Variants in SGCZ observed in about 807,000 individuals in gnomAD.
SGCZ encodes sarcoglycan zeta, also known as zeta-sarcoglycan.
In SGCZ, 40 loss-of-function variants were observed where a neutral mutation model predicts 41.3. That is an observed-to-expected ratio of 0.97 (90% CI 0.75 to 1.26). The LOEUF (loss-of-function observed/expected upper bound fraction) is 1.26. SGCZ is among the 50% of genes most tolerant of loss of function. The probability of loss-of-function intolerance (pLI) is 0.00; values close to 1 mark genes in which losing one functional copy is unlikely to be tolerated. For missense variants in SGCZ, 552 were observed against 369.8 expected (o/e 1.49, Z -4.04); for synonymous variants, 206 against 137.5 (o/e 1.50, Z -3.49).
At chr8:14,303,294 C>A (rs1046147801) in intron 3 of SGCZ, among the ~76,000 whole-genome samples, 1 of 151,998 alleles carries the variant, frequency 6.6e-6, no homozygotes, top group Non-Finnish European at 1.5e-5. Context: ...ATGAAATGAA[C>A]ATGAATTACA....
In SGCZ at chr8:14,740,183, A is replaced by G. The variant is rs149837967; in HGVS notation, c.40-185257T>C. Reference sequence around the variant, plus strand: ...ATTCTAGAGTCATTGACTTTAATACATCTCCTGGAAAAAGATAAAAGTTTA... The same window carrying G: ...ATTCTAGAGTCATTGACTTTAATACGTCTCCTGGAAAAAGATAAAAGTTTA... On this transcript the variant is annotated intron_variant, in intron 1 of 7. Coordinates refer to ENST00000382080, the MANE Select transcript of SGCZ (RefSeq NM_139167.4). 2.7e-4 allele frequency among the ~76,000 whole-genome samples: 41 copies of G among 152,134 alleles called. No individual in the cohort carries two copies. The East Asian group carries it at 2.9e-3, about 11-fold the overall frequency.
intron 1 of SGCZ, among the ~76,000 whole-genome samples, chr8:15,174,682 A>G (rs1244554039): frequency 6.6e-6 from 1 of 152,160 alleles, no homozygotes; most frequent in African/African-American, 2.4e-5. Context: ...AAACGATCCA[A>G]TTTATCCACA....
At chr8:14,818,892 G>T (rs1025097314) in intron 1 of SGCZ, among the ~76,000 whole-genome samples, 1 of 151,988 alleles carries the variant, frequency 6.6e-6, no homozygotes, top group African/African-American at 2.4e-5. Context: ...AATAAAGAAA[G>T]CCTATGGGAC....
intron 5 of SGCZ, among the ~76,000 whole-genome samples, chr8:14,120,692 A>G (rs764680461): frequency 6.6e-6 from 1 of 152,132 alleles, no homozygotes; most frequent in African/African-American, 2.4e-5. Flanking sequence ...ATTAGAAAAC[A>G]AATTTGACTT....
intron 3 of SGCZ, among the ~76,000 whole-genome samples, chr8:14,244,346 T>A (rs1280831272): frequency 6.6e-6 from 1 of 152,136 alleles, no homozygotes; most frequent in Non-Finnish European, 1.5e-5. Flanking sequence ...CATATCAAAT[T>A]ATTATTTAAT....
chr8:14,103,138 CA>C (rs995754826), intron 6 of SGCZ, among the ~76,000 whole-genome samples: 3 of 151,980 alleles, frequency 2.0e-5, no homozygotes, highest in African/African-American at 7.2e-5. Context: ...AAAGAAAAAT[CA>C]ATAGGAGGGT....
chr8:14,564,100 T>A (rs1419550864), intron 1 of SGCZ, among the ~76,000 whole-genome samples: 1 of 152,178 alleles, frequency 6.6e-6, no homozygotes, highest in Non-Finnish European at 1.5e-5. Flanking sequence ...AAGAGAAGCA[T>A]GTGAGTCCTG....
chr8:14,102,105 A>ATATAAT (rs1802047693), intron 7 of SGCZ, among the ~76,000 whole-genome samples: 2 of 43,860 alleles, frequency 4.6e-5, no homozygotes, highest in African/African-American at 2.1e-4. Context: ...TATATATATA[A>ATATAAT]TTTTTTTTTT....
intron 1 of SGCZ, among the ~76,000 whole-genome samples, chr8:15,198,865 A>T (rs1219565611): frequency 6.6e-6 from 1 of 152,174 alleles, no homozygotes; most frequent in Non-Finnish European, 1.5e-5. Context: ...TTTCTTGTTG[A>T]GGAAATCAAT....
At chr8:14,282,561 C>G (rs1800482978) in intron 3 of SGCZ, among the ~76,000 whole-genome samples, 1 of 152,046 alleles carries the variant, frequency 6.6e-6, no homozygotes, top group South Asian at 2.1e-4. Flanking sequence ...TACCTCGCAC[C>G]TAAAACTGTT....
chr8:14,725,726 G>A (rs986479203), intron 1 of SGCZ, among the ~76,000 whole-genome samples: 6 of 152,110 alleles, frequency 3.9e-5, no homozygotes, highest in African/African-American at 1.4e-4. Context: ...TAGAGAAGGA[G>A]TGTTTTCTGA....
At chr8:15,131,650 G>A (rs1165402089) in intron 1 of SGCZ, among the ~76,000 whole-genome samples, 2 of 152,166 alleles carry the variant, frequency 1.3e-5, no homozygotes, top group African/African-American at 2.4e-5. Flanking sequence ...AGCTAAGTAT[G>A]TTAGCGCGGC....
chr8:14,866,679 G>T (rs1250008485), intron 1 of SGCZ, among the ~76,000 whole-genome samples: 1 of 152,020 alleles, frequency 6.6e-6, no homozygotes, highest in Non-Finnish European at 1.5e-5. Flanking sequence ...GCATGATGGT[G>T]CATGCTTCTA....
intron 1 of SGCZ, among the ~76,000 whole-genome samples, chr8:14,737,038 C>A (rs1799057698): frequency 6.7e-6 from 1 of 149,380 alleles, no homozygotes; most frequent in Non-Finnish European, 1.5e-5. Flanking sequence ...TATTATATAC[C>A]AGACATATAG....
Position 14,619,786 on chromosome 8 carries a change from A to G in SGCZ, c.40-64860T>C, listed in dbSNP as rs371391339. Among the ~76,000 whole-genome samples, 5 of 152,296 alleles carry G rather than the reference A, an allele frequency of 3.3e-5. No individual in the cohort carries two copies. In the East Asian group the frequency reaches 9.7e-4, roughly 29 times the overall value. On this transcript the variant is annotated intron_variant, in intron 1 of 7. Transcript: ENST00000382080. ...ACTACAAACCACGCTCAACGAAATAAAAGAGGACACAAACAAATGGAAACA... is the reference window on the plus strand; with the variant it reads ...ACTACAAACCACGCTCAACGAAATAGAAGAGGACACAAACAAATGGAAACA...
chr8:14,121,720 C>T (rs1407599065), intron 5 of SGCZ, among the ~76,000 whole-genome samples: 1 of 152,076 alleles, frequency 6.6e-6, no homozygotes, highest in Non-Finnish European at 1.5e-5. Flanking sequence ...TTAAAGAGGA[C>T]ATATAATATA....
At position 15,069,459 on chromosome 8, in the gene SGCZ, T is replaced by C. The variant is rs188318255; in HGVS notation, c.39+168126A>G. ...TTTTCCAAGTGAGTATACCTCAAGA[T>C]TTTCAAGATCTTATAGCAGTGGAAT... On this transcript the variant is annotated intron_variant, in intron 1 of 7. Coordinates refer to ENST00000382080, the MANE Select transcript of SGCZ (RefSeq NM_139167.4). 1.1e-3 allele frequency among the ~76,000 whole-genome samples: 160 copies of C among 152,352 alleles called. No homozygotes were observed. In the East Asian group the frequency reaches 0.015, roughly 14 times the overall value.
rs1177325844 is a variant in SGCZ at position 14,813,767 on chromosome 8, C to CA, written c.40-258842dup. Among the ~76,000 whole-genome samples the CA allele has an allele frequency of 3.3e-5, 5 of 152,210 alleles. No homozygotes were observed. In the East Asian group the frequency reaches 9.7e-4, roughly 29 times the overall value. On this transcript the variant is annotated intron_variant, in intron 1 of 7. Coordinates refer to ENST00000382080, the MANE Select transcript of SGCZ (RefSeq NM_139167.4). The stretch of plus-strand genomic sequence containing the variant: ...AAGAGTTCAAGACCAACGTGGCCAA[C>CA]ATGCAGAAACTTCATCTCTACTAAA...
intron 1 of SGCZ, among the ~76,000 whole-genome samples, chr8:14,939,658 G>A (rs182885623): frequency 6.6e-6 from 1 of 152,248 alleles, no homozygotes; most frequent in Admixed American, 6.5e-5. Context: ...ATTATCATAT[G>A]TAAATATTCA....
Sources: allele counts gnomAD v4.1 joint callset (sites outside exome capture counted in the v4.1 genomes callset), GRCh38; gene constraint gnomAD v4.1.1; transcripts MANE v1.5; gene names NCBI Gene and HGNC (gene_info 2026-07-23, HGNC 2026-07-21).